The following PLXDC2 variants were observed in gnomAD, a reference collection of about 807,000 sequenced individuals.
PLXDC2 encodes the protein plexin domain containing 2.
PLXDC2 carries 40 observed loss-of-function variants against 68.9 expected under a neutral mutation model. The ratio of observed to expected loss-of-function variants is 0.58; its 90% CI spans 0.45 to 0.76. The LOEUF (loss-of-function observed/expected upper bound fraction) is 0.76, where lower values mean the gene tolerates loss of function less well. PLXDC2 is among the 30% of genes least tolerant of loss of function. The pLI is 0.00. For synonymous variants in PLXDC2, 243 were observed against 234.2 expected (o/e 1.04, Z -0.34); for missense variants, 644 against 661.9 (o/e 0.97, Z 0.30).
rs182299232 is a variant in PLXDC2, at chr10:20,070,010, G to C, written c.541+1771G>C. Among the ~76,000 whole-genome samples, 7 of 152,300 alleles carry C rather than the reference G, an allele frequency of 4.6e-5. No homozygotes were observed. The East Asian group carries it at 1.4e-3, about 29-fold the overall frequency. Reference sequence around the variant, plus strand: ...GAATTTCTACGGTTGTGTAGAGAAGGAAGAGAGGATCACAGAGAGGAAGAT... The same window carrying C: ...GAATTTCTACGGTTGTGTAGAGAAGCAAGAGAGGATCACAGAGAGGAAGAT... On this transcript the variant is annotated intron_variant, in intron 4 of 13. Transcript: ENST00000377252.
rs1564372520 is a variant in PLXDC2, at chr10:20,271,134, C to CACACACAT, written c.1474-8562_1474-8561insTACACACA. ...GGGACCGTTTAAGACAAAAAACAGACACACACACACACACACACACACACA... is the reference window on the plus strand; with the variant it reads ...GGGACCGTTTAAGACAAAAAACAGACACACACATACACACACACACACACACACACACA... On this transcript the variant is annotated intron_variant, in intron 13 of 13. Coordinates refer to ENST00000377252, the MANE Select transcript of PLXDC2 (RefSeq NM_032812.9). 6.1e-3 allele frequency among the ~76,000 whole-genome samples: 895 copies of CACACACAT among 146,310 alleles called. 13 individuals are homozygous for CACACACAT. Among genetic ancestry groups the CACACACAT allele is most frequent in the African/African-American group, 0.021 (841 of 39,322 alleles).
intron 2 of PLXDC2, among the ~76,000 whole-genome samples, chr10:20,023,806 TTAATA>T (rs1835353196): frequency 6.6e-6 from 1 of 152,306 alleles, no homozygotes; most frequent in South Asian, 2.1e-4. Context: ...ATTTGATTAC[TTAATA>T]TATTTCTCAA....
intron 4 of PLXDC2, among the ~76,000 whole-genome samples, chr10:20,070,448 A>G (rs180958151): frequency 3.2e-4 from 49 of 152,338 alleles, no homozygotes; most frequent in Non-Finnish European, 5.4e-4. Flanking sequence ...AGTGAAACTT[A>G]AATTTTGTGT....
intron 2 of PLXDC2, among the ~76,000 whole-genome samples, chr10:20,009,547 G>A (rs1835076856): frequency 6.6e-6 from 1 of 151,798 alleles, no homozygotes; most frequent in South Asian, 2.1e-4. Flanking sequence ...GTGTCAGGTT[G>A]GCTTCCACAG....
intron 1 of PLXDC2, among the ~76,000 whole-genome samples, chr10:19,847,003 CTT>C (rs1467875494): frequency 2.0e-5 from 3 of 152,184 alleles, no homozygotes; most frequent in African/African-American, 7.2e-5. Context: ...TCTTTTGAGA[CTT>C]ATTCACTGTC....
intron 8 of PLXDC2, 66 bp downstream of exon 8, chr10:20,177,160 T>C: frequency 3.6e-6 from 5 of 1,395,854 alleles, no homozygotes; most frequent in South Asian, 1.2e-5. Flanking sequence ...ATCTGTTCAA[T>C]AGTTATAATA....
At chr10:20,013,471 A>G (rs1280741681) in intron 2 of PLXDC2, among the ~76,000 whole-genome samples, 2 of 152,186 alleles carry the variant, frequency 1.3e-5, no homozygotes, top group African/African-American at 2.4e-5. Flanking sequence ...ATAATTTTCA[A>G]AGATGAATGC....
chr10:19,842,733 A>T (rs1205321165), intron 1 of PLXDC2, among the ~76,000 whole-genome samples: 9 of 152,186 alleles, frequency 5.9e-5, no homozygotes, highest in Admixed American at 2.6e-4. Flanking sequence ...TAGAAGAAGG[A>T]TGTAGGTCTT....
At chr10:20,164,737 G>A (rs926282622) in intron 7 of PLXDC2, among the ~76,000 whole-genome samples, 170 bp downstream of exon 7, 1 of 152,090 alleles carries the variant, frequency 6.6e-6, no homozygotes. Context: ...GGCTATCTCT[G>A]TCACCCTTGA....
chr10:19,886,980 A>C (rs1215358298), intron 1 of PLXDC2, among the ~76,000 whole-genome samples: 1 of 152,216 alleles, frequency 6.6e-6, no homozygotes, highest in Non-Finnish European at 1.5e-5. Context: ...TAGAATGAGA[A>C]TGAAAAACAT....
At chr10:20,021,063 T>C (rs1835299295) in intron 2 of PLXDC2, among the ~76,000 whole-genome samples, 1 of 152,210 alleles carries the variant, frequency 6.6e-6, no homozygotes, top group African/African-American at 2.4e-5. Context: ...AAACAAAATA[T>C]AGTATACAGT....
At chr10:20,122,608 T>A (rs989329356) in intron 4 of PLXDC2, among the ~76,000 whole-genome samples, 1 of 152,180 alleles carries the variant, frequency 6.6e-6, no homozygotes, top group Admixed American at 6.5e-5. Context: ...GTGGCCAGAT[T>A]TCTGGCACTT....
intron 4 of PLXDC2, among the ~76,000 whole-genome samples, chr10:20,104,310 C>T (rs561440671): frequency 2.0e-5 from 3 of 152,184 alleles, no homozygotes; most frequent in Non-Finnish European, 4.4e-5. Flanking sequence ...TTTTTGTTGT[C>T]AAATGTTTTA....
intron 2 of PLXDC2, among the ~76,000 whole-genome samples, chr10:20,029,496 C>T (rs996233735): frequency 4.6e-5 from 7 of 152,048 alleles, no homozygotes; most frequent in Admixed American, 3.9e-4. Flanking sequence ...TTCTTGGGGT[C>T]TTTCCAGCTA....
chr10:19,981,666 G>A lies in PLXDC2; in HGVS notation c.113-20109G>A, dbSNP rs573293764. On this transcript the variant is annotated intron_variant, in intron 1 of 13. Coordinates refer to ENST00000377252, the MANE Select transcript of PLXDC2 (RefSeq NM_032812.9). ...ATGATTGAAAGTCAGGCTGGTGGGT[G>A]ACAATCTTATTTTTTAGTGGTGGCT... 3.9e-5 allele frequency among the ~76,000 whole-genome samples: 6 copies of A among 152,292 alleles called. No homozygotes were observed. The East Asian group carries it at 9.6e-4, about 24-fold the overall frequency.
At chr10:20,207,828 A>G (rs1453360535) in intron 9 of PLXDC2, among the ~76,000 whole-genome samples, 1 of 151,062 alleles carries the variant, frequency 6.6e-6, no homozygotes, top group African/African-American at 2.4e-5. Flanking sequence ...GGTAGGCATA[A>G]AATAGCTTAA....
intron 1 of PLXDC2, among the ~76,000 whole-genome samples, chr10:19,908,195 A>T (rs568846886): frequency 6.6e-6 from 1 of 152,138 alleles, no homozygotes. Flanking sequence ...TTCTGTCAAC[A>T]TAATTTATTT....
intron 9 of PLXDC2, among the ~76,000 whole-genome samples, chr10:20,200,745 T>C (rs1834906133): frequency 6.6e-6 from 1 of 151,956 alleles, no homozygotes; most frequent in African/African-American, 2.4e-5. Flanking sequence ...AAAGATGATA[T>C]ACAAATGGCC....
chr10:19,821,083 CAAAATA>C (rs917710255), intron 1 of PLXDC2, among the ~76,000 whole-genome samples: 8 of 152,044 alleles, frequency 5.3e-5, no homozygotes, highest in Non-Finnish European at 1.2e-4. Flanking sequence ...GACCCTGCCT[CAAAATA>C]AAAATAAAAA....
Sources: allele counts gnomAD v4.1 joint callset (sites outside exome capture counted in the v4.1 genomes callset), GRCh38; gene constraint gnomAD v4.1.1; transcripts MANE v1.5; gene names NCBI Gene and HGNC (gene_info 2026-07-23, HGNC 2026-07-21).